Variants in SAMTOR observed in about 807,000 individuals in gnomAD.
SAMTOR encodes the protein S-adenosylmethionine sensor upstream of mTORC1, also known as UPF0532 protein C7orf60.
At chr7:112,864,996 C>T in the SAMTOR span, among the ~76,000 whole-genome samples, 9 of 152,248 alleles carry the variant, frequency 5.9e-5, no homozygotes, top group South Asian at 4.1e-4. Context: ...TCAAGTGATC[C>T]GCTTGCCTTG....
chr7:112,890,692 C>CT, the SAMTOR span, among the ~76,000 whole-genome samples: 144 of 143,990 alleles, frequency 1.0e-3, no homozygotes, highest in East Asian at 7.4e-3. Flanking sequence ...TATATGAATA[C>CT]TTTTTTTTTT....
At chr7:112,857,411 G>A in the SAMTOR span, among the ~76,000 whole-genome samples, 3 of 151,872 alleles carry the variant, frequency 2.0e-5, no homozygotes, top group African/African-American at 7.3e-5. Context: ...AATCTTTACA[G>A]CACTAAAATA....
At chr7:112,893,187 T>C in the SAMTOR span, among the ~76,000 whole-genome samples, 1 of 152,220 alleles carries the variant, frequency 6.6e-6, no homozygotes. Context: ...TCTGAAGCTC[T>C]GAAGCCAGGT....
At chr7:112,904,592 T>G in the SAMTOR span, among the ~76,000 whole-genome samples, 1 of 150,814 alleles carries the variant, frequency 6.6e-6, no homozygotes, top group Non-Finnish European at 1.5e-5. Context: ...AAGAAGAAAA[T>G]CAAATGAAAT....
chr7:112,888,772 A>G, the SAMTOR span, among the ~76,000 whole-genome samples: 1 of 152,186 alleles, frequency 6.6e-6, no homozygotes, highest in Admixed American at 6.5e-5. Context: ...AAAGTTGAAT[A>G]GTTTTTGATA....
chr7:112,896,499 C>A, the SAMTOR span, among the ~76,000 whole-genome samples: 3 of 152,166 alleles, frequency 2.0e-5, no homozygotes, highest in African/African-American at 7.2e-5. Flanking sequence ...CCCATTAGTT[C>A]AACTTCAGTT....
chr7:112,924,753 G>A, the SAMTOR span, among the ~76,000 whole-genome samples: 2 of 151,896 alleles, frequency 1.3e-5, no homozygotes, highest in East Asian at 1.9e-4. Flanking sequence ...AAATGTTAAG[G>A]TATTCGAGTT....
At chr7:112,829,036 G>C in the SAMTOR span, among the ~76,000 whole-genome samples, 1 of 152,112 alleles carries the variant, frequency 6.6e-6, no homozygotes, top group Non-Finnish European at 1.5e-5. Context: ...CTTTGAATTT[G>C]TGAGTTTAAA....
the SAMTOR span, among the ~76,000 whole-genome samples, chr7:112,926,304 G>A: frequency 4.6e-5 from 7 of 152,128 alleles, no homozygotes; most frequent in Non-Finnish European, 1.0e-4. Flanking sequence ...TATATACTTT[G>A]AAACTCAATT....
chr7:112,880,385 GTTAGATA>G, the SAMTOR span, among the ~76,000 whole-genome samples: 4 of 152,108 alleles, frequency 2.6e-5, no homozygotes, highest in Non-Finnish European at 5.9e-5. Flanking sequence ...GACTCAGAAT[GTTAGATA>G]TTTCCCCAAA....
At chr7:112,903,317 A>C in the SAMTOR span, among the ~76,000 whole-genome samples, 1 of 149,268 alleles carries the variant, frequency 6.7e-6, no homozygotes. Context: ...TCTCAAAACA[A>C]AAAAAAAAAG....
chr7:112,907,171 C>T, the SAMTOR span, among the ~76,000 whole-genome samples: 1 of 151,868 alleles, frequency 6.6e-6, no homozygotes, highest in African/African-American at 2.4e-5. Flanking sequence ...GACAGAAAAG[C>T]TAAAACAAAA....
chr7:112,855,331 T>A, the SAMTOR span, among the ~76,000 whole-genome samples: 1 of 152,244 alleles, frequency 6.6e-6, no homozygotes. Flanking sequence ...GGTAACAAAC[T>A]ACCACAAACT....
At chr7:112,838,258 T>G in the SAMTOR span, among the ~76,000 whole-genome samples, 1 of 151,918 alleles carries the variant, frequency 6.6e-6, no homozygotes, top group African/African-American at 2.4e-5. Flanking sequence ...AGACAGGGAA[T>G]TTACAAATGA....
chr7:112,875,881 A>AT, the SAMTOR span, among the ~76,000 whole-genome samples: 1 of 152,098 alleles, frequency 6.6e-6, no homozygotes, highest in Non-Finnish European at 1.5e-5. Context: ...CTCTCTTTCT[A>AT]TTTTATCATC....
chr7:112,898,474 C>T, the SAMTOR span, among the ~76,000 whole-genome samples: 1 of 152,172 alleles, frequency 6.6e-6, no homozygotes, highest in African/African-American at 2.4e-5. Context: ...CACAGTAAAA[C>T]AAAGCACCAG....
chr7:112,878,888 T>A, the SAMTOR span, among the ~76,000 whole-genome samples: 1 of 151,956 alleles, frequency 6.6e-6, no homozygotes, highest in African/African-American at 2.4e-5. Context: ...GGAGTAAAAC[T>A]GGAAAAAGAG....
chr7:112,854,311 G>A, the SAMTOR span, among the ~76,000 whole-genome samples: 16 of 152,178 alleles, frequency 1.1e-4, no homozygotes, highest in African/African-American at 3.4e-4. Flanking sequence ...CAATGTGTAA[G>A]CCAGAAAACA....
At chr7:112,860,050 C>T in the SAMTOR span, among the ~76,000 whole-genome samples, 1 of 152,096 alleles carries the variant, frequency 6.6e-6, no homozygotes, top group Non-Finnish European at 1.5e-5. Flanking sequence ...ACAGGTATAC[C>T]ATTTTTAATC....
Sources: gnomAD v4.1 joint callset for allele counts (sites outside exome capture counted in the v4.1 genomes callset) on GRCh38, gnomAD v4.1.1 for gene constraint, MANE v1.5 for transcripts, NCBI Gene and HGNC (gene_info 2026-07-23, HGNC 2026-07-21) for gene names.